CAMTA1: variants seen among roughly 807,000 people sequenced by gnomAD.
CAMTA1 encodes calmodulin-binding transcription activator 1.
A neutral mutation model predicts 170.9 loss-of-function variants in CAMTA1; 27 were observed. That is an observed-to-expected ratio of 0.16 (90% CI 0.12 to 0.22). The LOEUF (loss-of-function observed/expected upper bound fraction) is 0.22, where lower values mean the gene tolerates loss of function less well. Ranked by LOEUF, CAMTA1 falls within the 10% of genes least tolerant of loss-of-function variation. CAMTA1 has a pLI of 1.00. For synonymous variants in CAMTA1, 833 were observed against 891.5 expected, an observed-to-expected ratio of 0.93 and a Z score of 1.17; for missense variants, 1,619 against 2,217.2, an observed-to-expected ratio of 0.73 and a Z score of 5.42.
intron 3 of CAMTA1, among the ~76,000 whole-genome samples, chr1:6,826,456 A>C (rs932298393): frequency 1.3e-5 from 2 of 152,252 alleles, no homozygotes; most frequent in Non-Finnish European, 2.9e-5. Flanking sequence ...AGATATGCTT[A>C]AAATTAGTCT....
intron 3 of CAMTA1, among the ~76,000 whole-genome samples, chr1:6,867,344 G>A (rs1213085480): frequency 6.6e-6 from 1 of 151,888 alleles, no homozygotes; most frequent in Non-Finnish European, 1.5e-5. Flanking sequence ...TTCTTTTTGA[G>A]GAGTATTGTG....
intron 6 of CAMTA1, among the ~76,000 whole-genome samples, chr1:7,472,901 G>T (rs536773603): frequency 6.6e-6 from 1 of 152,148 alleles, no homozygotes; most frequent in East Asian, 1.9e-4. Flanking sequence ...CACTCCAGGC[G>T]GTCCTGGCCC....
At chr1:6,905,343 G>A (rs58644838) in intron 3 of CAMTA1, among the ~76,000 whole-genome samples, 14,874 of 151,934 alleles carry the variant, frequency 0.098, 929 homozygotes, top group East Asian at 0.26. Context: ...ATAGGTGTGC[G>A]CAACCACACC....
chr1:7,266,370 C>T (rs1054779566), intron 5 of CAMTA1, among the ~76,000 whole-genome samples: 2 of 152,198 alleles, frequency 1.3e-5, no homozygotes, highest in African/African-American at 4.8e-5. Context: ...GGCCTGGGAC[C>T]CCAGAGCCCT....
chr1:7,268,097 A>C (rs1320164104), intron 5 of CAMTA1, among the ~76,000 whole-genome samples: 2 of 152,324 alleles, frequency 1.3e-5, no homozygotes, highest in South Asian at 4.1e-4. Flanking sequence ...GAGGAAATAA[A>C]CAAGCTCTGG....
At chr1:7,556,022 C>G (rs986000686) in intron 6 of CAMTA1, among the ~76,000 whole-genome samples, 1 of 152,164 alleles carries the variant, frequency 6.6e-6, no homozygotes, top group Admixed American at 6.5e-5. Flanking sequence ...TCACACAGGA[C>G]CACTTGGGGA....
rs1399845156 is a variant in CAMTA1, at chr1:7,300,694, G to A, written c.438+51068G>A. ...ACTCTGTCTCAAAAAAAAAAAAATT[G>A]TATAGATATTGATTAAAGCAGAACC... On this transcript the variant is annotated intron_variant, in intron 5 of 22. Transcript: ENST00000303635. The surrounding 1 kb of genome is among the most constrained non-coding windows in gnomAD (Gnocchi z 4.1). 2.0e-5 allele frequency among the ~76,000 whole-genome samples: 3 copies of A among 151,832 alleles called. No homozygotes were observed. Among genetic ancestry groups the A allele is most frequent in the Non-Finnish European group, 4.4e-5 (3 of 67,934 alleles).
intron 5 of CAMTA1, among the ~76,000 whole-genome samples, chr1:7,466,426 G>C (rs1193237): frequency 0.54 from 82,835 of 152,012 alleles, 23,258 homozygotes; most frequent in Middle Eastern, 0.66. Flanking sequence ...AGCCAGAATC[G>C]CATAGTCCAA....
intron 4 of CAMTA1, among the ~76,000 whole-genome samples, chr1:7,102,989 C>T (rs1642918350): frequency 6.6e-6 from 1 of 152,110 alleles, no homozygotes; most frequent in African/African-American, 2.4e-5. Flanking sequence ...GTGGTGGTGA[C>T]CAAGACAGAT....
At chr1:7,124,073 G>C (rs1644796037) in intron 4 of CAMTA1, among the ~76,000 whole-genome samples, 1 of 152,172 alleles carries the variant, frequency 6.6e-6, no homozygotes, top group South Asian at 2.1e-4. Context: ...AGCTATAGTG[G>C]TGTTTCCAGG....
chr1:7,408,341 A>G (rs974077055), intron 5 of CAMTA1, among the ~76,000 whole-genome samples: 7 of 152,202 alleles, frequency 4.6e-5, no homozygotes, highest in African/African-American at 1.7e-4. Context: ...CTGTGGAGTA[A>G]GAGGTGGAGC....
intron 3 of CAMTA1, among the ~76,000 whole-genome samples, chr1:6,882,955 C>T (rs935699259): frequency 1.3e-5 from 2 of 151,990 alleles, no homozygotes; most frequent in Non-Finnish European, 2.9e-5. Context: ...ACAGAATGTC[C>T]CTCTGGTCTC....
rs191087942 is a variant in CAMTA1, at chr1:7,344,102, G to T, written c.438+94476G>T. 2.4e-3 allele frequency among the ~76,000 whole-genome samples: 369 copies of T among 152,364 alleles called. 2 individuals carry two copies. The highest frequency in any genetic ancestry group is 3.6e-3 in the Non-Finnish European group (242 of 68,030). On this transcript the variant is annotated intron_variant, in intron 5 of 22. Coordinates refer to ENST00000303635, the MANE Select transcript of CAMTA1 (RefSeq NM_015215.4). The stretch of plus-strand genomic sequence containing the variant: ...CCCACACAACCACATCATGGGTGTT[G>T]CTGTCGGGCTCAGAGGGGTAACTCT...
rs189384895 is a variant in CAMTA1, at chr1:7,003,724, C to T, written c.235-87580C>T. On this transcript the variant is annotated intron_variant, in intron 3 of 22. Transcript: ENST00000303635. ...TACTTTGTTCAGAAGTTATTGTTTC[C>T]ATTAGAAAGAGTAATGATTTTCATA... 3.2e-3 allele frequency among the ~76,000 whole-genome samples: 482 copies of T among 152,246 alleles called. 4 individuals are homozygous for T. Among genetic ancestry groups the T allele is most frequent in the African/African-American group, 0.011 (460 of 41,530 alleles).
At chr1:7,098,124 C>T (rs536526692) in intron 4 of CAMTA1, among the ~76,000 whole-genome samples, 25 of 122,600 alleles carry the variant, frequency 2.0e-4, no homozygotes, top group Admixed American at 1.0e-3. Context: ...TGTGTGTGCA[C>T]GTGCGCGTGC....
chr1:7,533,651 G>C (rs1257396079), intron 6 of CAMTA1, among the ~76,000 whole-genome samples: 1 of 152,082 alleles, frequency 6.6e-6, no homozygotes, highest in Admixed American at 6.5e-5. Context: ...GGTGGCTCAC[G>C]CCTGTAATCC....
At chr1:7,602,127 CCTTCCTTCCTTCCTT>C (rs1219493136) in intron 6 of CAMTA1, among the ~76,000 whole-genome samples, 24 of 143,204 alleles carry the variant, frequency 1.7e-4, no homozygotes, top group African/African-American at 5.2e-4. Context: ...TTCCTTCCTT[CCTTCCTTCCTTCCTT>C]CCTCCCTCCC....
chr1:7,339,012 A>G (rs1235111234), intron 5 of CAMTA1, among the ~76,000 whole-genome samples: 1 of 152,096 alleles, frequency 6.6e-6, no homozygotes, highest in Non-Finnish European at 1.5e-5. Flanking sequence ...GGCGCTACAC[A>G]CTTTTAAACA....
chr1:7,279,268 G>A (rs1272355544), intron 5 of CAMTA1, among the ~76,000 whole-genome samples: 1 of 152,198 alleles, frequency 6.6e-6, no homozygotes, highest in Non-Finnish European at 1.5e-5. Context: ...GCTTCTGCCA[G>A]GCACATCCAC....
Sources: allele counts gnomAD v4.1 joint callset (sites outside exome capture counted in the v4.1 genomes callset), GRCh38; gene constraint gnomAD v4.1.1; non-coding constraint Gnocchi (gnomAD v3.1); transcripts MANE v1.5; gene names NCBI Gene and HGNC (gene_info 2026-07-23, HGNC 2026-07-21).